COL22A1: variants seen among roughly 807,000 people sequenced by gnomAD.
COL22A1 encodes collagen type XXII alpha 1 chain.
A neutral mutation model predicts 248.9 loss-of-function variants in COL22A1; 221 were observed. That is an observed-to-expected ratio of 0.89 (90% confidence interval 0.80 to 0.99). COL22A1 has a LOEUF of 0.99. COL22A1 is among the 50% of genes least tolerant of loss of function. The pLI is 0.00. For missense variants in COL22A1, 2,240 were observed against 2,179.0 expected, an observed-to-expected ratio of 1.03 and a Z score of -0.56; for synonymous variants, 891 against 793.4, an observed-to-expected ratio of 1.12 and a Z score of -2.07.
At position 138,882,112 on chromosome 8, in the gene COL22A1, C is replaced by T. The variant is rs146200926; in HGVS notation, c.91+970G>A. Among the ~76,000 whole-genome samples the T allele has an allele frequency of 5.2e-3, 797 of 152,172 alleles. 8 individuals carry two copies. Among genetic ancestry groups the T allele is most frequent in the African/African-American group, 0.018 (767 of 41,512 alleles). ...CAAAACCTTCACAGGACAACACAGC[C>T]AGGTCCTCACCCCTGCCTCCTCCCC... On this transcript the variant is annotated intron_variant, in intron 2 of 64. Coordinates refer to ENST00000303045, the MANE Select transcript of COL22A1 (RefSeq NM_152888.3).
At chr8:138,640,288 G>A (rs919193783) in intron 47 of COL22A1, among the ~76,000 whole-genome samples, 14 of 152,072 alleles carry the variant, frequency 9.2e-5, no homozygotes, top group Non-Finnish European at 2.1e-4. Context: ...CATTTGGAAG[G>A]TACATTCATA....
chr8:138,821,280 C>T lies in COL22A1; in HGVS notation c.1101G>A (p.Met367Ile). Reference protein sequence around the residue: ...NDLFDRDWHKMALSIQAQNVS... With the variant: ...NDLFDRDWHKIALSIQAQNVS... The stretch of plus-strand genomic sequence containing the variant: ...CGTTCTGGGCCTGGATGCTCAGGGC[C>T]ATCTTGTGCCAGTCCCGGTCAAAGA... The change falls in exon 7 of 65, where the codon ATG (methionine) becomes ATA (isoleucine). Residue 367 changes from methionine (M) to isoleucine (I), a missense_variant. Transcript: ENST00000303045. 6.2e-7 allele frequency: 1 copy of T among 1,614,184 alleles called. No homozygotes were observed. The highest frequency in any genetic ancestry group is 1.1e-5 in the South Asian group (1 of 91,080).
At chr8:138,879,454 G>T (rs1824005863) in intron 2 of COL22A1, among the ~76,000 whole-genome samples, 1 of 152,130 alleles carries the variant, frequency 6.6e-6, no homozygotes, top group South Asian at 2.1e-4. Flanking sequence ...CAATTTGGGA[G>T]GTCAAGGCGG....
intron 17 of COL22A1, among the ~76,000 whole-genome samples, chr8:138,761,176 G>A (rs913233095): frequency 1.3e-5 from 2 of 152,190 alleles, no homozygotes; most frequent in African/African-American, 4.8e-5. Flanking sequence ...CTAGGTCTGT[G>A]TGCTGGGTTA....
intron 47 of COL22A1, among the ~76,000 whole-genome samples, chr8:138,639,096 T>C (rs191983989): frequency 3.1e-3 from 474 of 152,322 alleles, no homozygotes; most frequent in African/African-American, 0.01. Flanking sequence ...TGTTTATATC[T>C]TGAACTGATG....
At chr8:138,693,613 C>G (rs1406904735) in intron 35 of COL22A1, 33 bp downstream of exon 35, 1 of 1,561,774 alleles carries the variant, frequency 6.4e-7, no homozygotes, top group Admixed American at 1.9e-5. Context: ...CTCCGGGGCT[C>G]CCCCACGAGG....
At chr8:138,903,477 G>A (rs1038082117) in intron 1 of COL22A1, among the ~76,000 whole-genome samples, 1 of 152,130 alleles carries the variant, frequency 6.6e-6, no homozygotes, top group Non-Finnish European at 1.5e-5. Flanking sequence ...AAGGTCTAAT[G>A]GGCTTTAAGT....
intron 59 of COL22A1, among the ~76,000 whole-genome samples, chr8:138,604,359 A>T (rs1818267373): frequency 6.6e-6 from 1 of 152,244 alleles, no homozygotes; most frequent in Non-Finnish European, 1.5e-5. Flanking sequence ...TTAGAGGATC[A>T]CTGCAGTGTT....
Position 138,854,539 on chromosome 8 carries a change from C to T in COL22A1, c.659-10381G>A, listed in dbSNP as rs924929643. Among the ~76,000 whole-genome samples the T allele has an allele frequency of 1.1e-4, 16 of 152,302 alleles. No individual in the cohort carries two copies. In the South Asian group the frequency reaches 1.2e-3, roughly 12 times the overall value. On this transcript the variant is annotated intron_variant, in intron 3 of 64. Transcript: ENST00000303045. ...GACTAAGGTGATGGAGCCCTTCCCA[C>T]TGCCCTCCCCTTTGGCCTGCTCAGC...
At chr8:138,837,934 G>A (rs1320280156) in intron 4 of COL22A1, among the ~76,000 whole-genome samples, 1 of 152,178 alleles carries the variant, frequency 6.6e-6, no homozygotes, top group African/African-American at 2.4e-5. Flanking sequence ...TGATGTAGGG[G>A]TGAGGACGTG....
intron 2 of COL22A1, among the ~76,000 whole-genome samples, chr8:138,880,221 T>C (rs2132055175): frequency 6.6e-6 from 1 of 152,372 alleles, no homozygotes; most frequent in African/African-American, 2.4e-5. Context: ...ATGACAGTGA[T>C]GGCTGAAGAG....
intron 22 of COL22A1, among the ~76,000 whole-genome samples, chr8:138,749,347 G>A (rs1243948429): frequency 6.6e-6 from 1 of 152,174 alleles, no homozygotes; most frequent in Non-Finnish European, 1.5e-5. Context: ...ATTAGATAAA[G>A]ATGTAGATTT....
chr8:138,600,797 G>T (rs1817936833), intron 60 of COL22A1, among the ~76,000 whole-genome samples: 1 of 152,212 alleles, frequency 6.6e-6, no homozygotes, highest in Non-Finnish European at 1.5e-5. Context: ...CATTTCACAG[G>T]ACGTTGCAAT....
intron 22 of COL22A1, among the ~76,000 whole-genome samples, chr8:138,748,480 G>A (rs778348912): frequency 2.6e-5 from 4 of 152,318 alleles, no homozygotes; most frequent in South Asian, 2.1e-4. Flanking sequence ...CCGCACGTGC[G>A]AATCCCTGAG....
At chr8:138,628,743 A>G (rs1265422079) in intron 50 of COL22A1, among the ~76,000 whole-genome samples, 1 of 141,902 alleles carries the variant, frequency 7.0e-6, no homozygotes, top group Non-Finnish European at 1.5e-5. Flanking sequence ...TGGTAGTTTT[A>G]TATCCTAGAT....
At chr8:138,596,169 A>G (rs1448607518) in intron 62 of COL22A1, among the ~76,000 whole-genome samples, 1 of 152,222 alleles carries the variant, frequency 6.6e-6, no homozygotes, top group Non-Finnish European at 1.5e-5. Flanking sequence ...ACATGTTGGC[A>G]CGATTACTAC....
intron 1 of COL22A1, among the ~76,000 whole-genome samples, chr8:138,888,716 A>C (rs559399922): frequency 1.3e-5 from 2 of 152,206 alleles, no homozygotes; most frequent in Non-Finnish European, 2.9e-5. Flanking sequence ...TCAGGGTTCC[A>C]AGGTCAGGAG....
intron 3 of COL22A1, among the ~76,000 whole-genome samples, chr8:138,876,071 G>A (rs765381056): frequency 2.6e-5 from 4 of 151,954 alleles, no homozygotes; most frequent in East Asian, 1.9e-4. Flanking sequence ...TCATACCCCC[G>A]CATAAACCCT....
chr8:138,909,379 T>TTTTTTTTTC (rs1815273060), intron 1 of COL22A1, among the ~76,000 whole-genome samples: 4 of 151,794 alleles, frequency 2.6e-5, no homozygotes, highest in African/African-American at 9.7e-5. Context: ...ACTTGCCTTT[T>TTTTTTTTTC]TTTTTTTTTC....
Sources: gnomAD v4.1 joint callset for allele counts (sites outside exome capture counted in the v4.1 genomes callset) on GRCh38, gnomAD v4.1.1 for gene constraint, MANE v1.5 for transcripts, NCBI Gene and HGNC (gene_info 2026-07-23, HGNC 2026-07-21) for gene names.